BMPR1B: variants seen among roughly 807,000 people sequenced by gnomAD.
The protein encoded by BMPR1B is bone morphogenetic protein receptor type-1B.
In BMPR1B, 12 loss-of-function variants were observed where a neutral mutation model predicts 59.1. That is an observed-to-expected ratio of 0.20 (90% CI 0.13 to 0.33). The LOEUF (loss-of-function observed/expected upper bound fraction) is 0.33, where lower values mean the gene tolerates loss of function less well. Ranked by LOEUF, BMPR1B falls within the 10% of genes least tolerant of loss-of-function variation. The pLI, the probability that BMPR1B is intolerant of heterozygous loss-of-function variation, is 1.00. For synonymous variants in BMPR1B, 237 were observed against 207.3 expected (o/e 1.14, Z -1.23); for missense variants, 550 against 610.9 (o/e 0.90, Z 1.05).
chr4:95,053,220 G>T (rs986183230), intron 3 of BMPR1B, among the ~76,000 whole-genome samples: 13 of 151,228 alleles, frequency 8.6e-5, no homozygotes, highest in African/African-American at 3.2e-4. Context: ...GACATTCTTT[G>T]TCTTCCTCTA....
intron 1 of BMPR1B, among the ~76,000 whole-genome samples, chr4:94,832,950 A>C (rs1382864179): frequency 6.6e-6 from 1 of 152,002 alleles, no homozygotes; most frequent in African/African-American, 2.4e-5. Context: ...GTGGCCCATG[A>C]GGCTGGGGCG....
intron 3 of BMPR1B, among the ~76,000 whole-genome samples, chr4:95,029,794 A>C (rs1407091747): frequency 6.6e-6 from 1 of 152,118 alleles, no homozygotes; most frequent in Non-Finnish European, 1.5e-5. Context: ...CTGACTTTTT[A>C]ATGATTGCCA....
At position 95,114,704 on chromosome 4, in the gene BMPR1B, C is replaced by T. The variant is rs572211990; in HGVS notation, c.144-16C>T. ...CACACACATTCTGTTTCTCACTTTGCTTGTTTGATCTTCAGCACAGACGGA... is the reference window on the plus strand; with the variant it reads ...CACACACATTCTGTTTCTCACTTTGTTTGTTTGATCTTCAGCACAGACGGA... On this transcript the variant is annotated splice_polypyrimidine_tract_variant and intron_variant, in intron 4 of 12. Coordinates refer to ENST00000515059, the MANE Select transcript of BMPR1B (RefSeq NM_001203.3). The T allele has an allele frequency of 2.1e-5, 34 of 1,598,142 alleles. No homozygotes were observed. Among genetic ancestry groups the T allele is most frequent in the Non-Finnish European group, 2.8e-5 (33 of 1,166,010 alleles).
intron 1 of BMPR1B, among the ~76,000 whole-genome samples, chr4:94,817,885 A>C (rs974721939): frequency 1.3e-5 from 2 of 152,192 alleles, no homozygotes; most frequent in African/African-American, 4.8e-5. Context: ...TATGTGCCTC[A>C]AACTCATGTT....
intron 2 of BMPR1B, among the ~76,000 whole-genome samples, chr4:94,918,192 A>T (rs1728561260): frequency 6.6e-6 from 1 of 152,004 alleles, no homozygotes. Flanking sequence ...TTTTTTTTCA[A>T]TTAAATTATG....
chr4:95,104,212 T>G (rs148522486), intron 3 of BMPR1B, 196 bp from the exon 4 acceptor site: 4 of 623,676 alleles, frequency 6.4e-6, no homozygotes, highest in East Asian at 2.8e-5. Flanking sequence ...TTATGGGTCT[T>G]TCTTTATTCT....
chr4:94,803,719 A>C (rs997951685), intron 1 of BMPR1B, among the ~76,000 whole-genome samples: 1 of 151,910 alleles, frequency 6.6e-6, no homozygotes, highest in Non-Finnish European at 1.5e-5. Flanking sequence ...GCAGTATCTT[A>C]TTTTCCGAAT....
chr4:95,025,535 C>G (rs2149143449), intron 3 of BMPR1B, among the ~76,000 whole-genome samples: 1 of 152,202 alleles, frequency 6.6e-6, no homozygotes, highest in South Asian at 2.1e-4. Context: ...TACTAGTTAC[C>G]ACACTTGTGG....
chr4:94,934,452 G>GCTTTT (rs1257149645), intron 2 of BMPR1B, among the ~76,000 whole-genome samples: 1 of 69,696 alleles, frequency 1.4e-5, no homozygotes. Flanking sequence ...TCCCAGCTAT[G>GCTTTT]GTTTTTTTTT....
In BMPR1B at chr4:95,154,695, C is replaced by A. The variant is rs1259680106; in HGVS notation, c.*22C>A. The stretch of plus-strand genomic sequence containing the variant: ...CTGATAGGAGAGGAAAAGTAAGCAT[C>A]TCTGCAGAAAGCCAACAGGTACTCT... On this transcript the variant is annotated 3_prime_UTR_variant, in exon 13 of 13. Transcript: ENST00000515059. The A allele has an allele frequency of 1.9e-6, 3 of 1,613,576 alleles. No homozygotes were observed. In the East Asian group the frequency reaches 6.7e-5, roughly 36 times the overall value.
At chr4:95,132,599 A>T (rs1157720547) in intron 10 of BMPR1B, among the ~76,000 whole-genome samples, 1 of 151,890 alleles carries the variant, frequency 6.6e-6, no homozygotes, top group Non-Finnish European at 1.5e-5. Context: ...AAGATTATTA[A>T]ATCCTTTCTC....
Position 94,860,668 on chromosome 4 carries a change from C to T in BMPR1B, c.-182-15163C>T, listed in dbSNP as rs558595200. On this transcript the variant is annotated intron_variant, in intron 1 of 12. Coordinates refer to ENST00000515059, the MANE Select transcript of BMPR1B (RefSeq NM_001203.3). ...TAGTTTTTGTAGGAGTTTGCTTCCC[C>T]TGTCAATAAGCATTGAGATTGTAGT... Among the ~76,000 whole-genome samples the T allele has an allele frequency of 1.6e-4, 24 of 152,214 alleles. No individual in the cohort carries two copies. The South Asian group carries it at 4.6e-3, about 29-fold the overall frequency.
Position 94,866,624 on chromosome 4 carries a change from C to T in BMPR1B, c.-182-9207C>T, listed in dbSNP as rs888012142. On this transcript the variant is annotated intron_variant, in intron 1 of 12. Coordinates refer to ENST00000515059, the MANE Select transcript of BMPR1B (RefSeq NM_001203.3). ...TTTTTGAGTCGGAGTCTCGCTGTGTCGCCAGGCTGGAGTGCAGTGGCATGA... is the reference window on the plus strand; with the variant it reads ...TTTTTGAGTCGGAGTCTCGCTGTGTTGCCAGGCTGGAGTGCAGTGGCATGA... 3.9e-5 allele frequency among the ~76,000 whole-genome samples: 6 copies of T among 151,982 alleles called. No individual in the cohort carries two copies. In the East Asian group the frequency reaches 5.8e-4, roughly 15 times the overall value.
rs1364008826 is a variant in BMPR1B, at chr4:95,062,912, A to G, written c.-17-41496A>G. 5.3e-5 allele frequency among the ~76,000 whole-genome samples: 8 copies of G among 152,294 alleles called. No individual in the cohort carries two copies. In the South Asian group the frequency reaches 1.2e-3, roughly 24 times the overall value. ...TACTGACTTTGGTTTTGCAAGCCGA[A>G]TGAGAATGCTTCGTTTCCTCCTGTG... On this transcript the variant is annotated intron_variant, in intron 3 of 12. Coordinates refer to ENST00000515059, the MANE Select transcript of BMPR1B (RefSeq NM_001203.3).
intron 1 of BMPR1B, among the ~76,000 whole-genome samples, chr4:94,855,208 T>C (rs768978722): frequency 1.9e-3 from 290 of 152,222 alleles, no homozygotes; most frequent in Admixed American, 5.7e-3. Context: ...CAAACATTTA[T>C]AGAGCACTTA....
chr4:95,055,766 T>C (rs1726880115), intron 3 of BMPR1B, among the ~76,000 whole-genome samples: 1 of 152,326 alleles, frequency 6.6e-6, no homozygotes, highest in South Asian at 2.1e-4. Flanking sequence ...TTCAAAATGC[T>C]AGCAACCGTA....
chr4:95,081,800 C>T (rs528097034), intron 3 of BMPR1B, among the ~76,000 whole-genome samples: 63 of 152,114 alleles, frequency 4.1e-4, no homozygotes, highest in African/African-American at 1.5e-3. Context: ...TGTGTGAGAC[C>T]AATTATTCTT....
At chr4:94,980,761 T>A (rs529209563) in intron 2 of BMPR1B, among the ~76,000 whole-genome samples, 1 of 152,272 alleles carries the variant, frequency 6.6e-6, no homozygotes, top group Admixed American at 6.5e-5. Flanking sequence ...TGAATACAAA[T>A]CATTGTCAAA....
At chr4:94,948,169 A>T (rs968925004) in intron 2 of BMPR1B, among the ~76,000 whole-genome samples, 1 of 152,212 alleles carries the variant, frequency 6.6e-6, no homozygotes, top group Non-Finnish European at 1.5e-5. Flanking sequence ...TTAATTCACC[A>T]TCGTGACAGG....
Sources: allele counts gnomAD v4.1 joint callset (sites outside exome capture counted in the v4.1 genomes callset), GRCh38; gene constraint gnomAD v4.1.1; transcripts MANE v1.5; gene names NCBI Gene and HGNC (gene_info 2026-07-23, HGNC 2026-07-21).